The following ANKS1B variants were observed in gnomAD, a reference collection of about 807,000 sequenced individuals.
ANKS1B encodes ankyrin repeat and sterile alpha motif domain-containing protein 1B.
A neutral mutation model predicts 148.3 loss-of-function variants in ANKS1B; 36 were observed. The ratio of observed to expected loss-of-function variants is 0.24; its 90% CI spans 0.19 to 0.32. The LOEUF is 0.32. Among genes scored for constraint, ANKS1B ranks in the 10% least tolerant of loss-of-function variants. ANKS1B has a pLI of 1.00. For synonymous variants in ANKS1B, 542 were observed against 560.8 expected, an observed-to-expected ratio of 0.97 and a Z score of 0.47; for missense variants, 1,157 against 1,542.6, an observed-to-expected ratio of 0.75 and a Z score of 4.19.
chr12:98,742,744 C>T (rs1025852435), downstream of ANKS1B, among the ~76,000 whole-genome samples: 14 of 152,188 alleles, frequency 9.2e-5, no homozygotes, highest in Non-Finnish European at 1.6e-4. Context: ...GCTTTGGAAC[C>T]GGTTTCTGTG....
At chr12:99,159,678 C>T (rs2076443522) in intron 14 of ANKS1B, among the ~76,000 whole-genome samples, 1 of 152,106 alleles carries the variant, frequency 6.6e-6, no homozygotes, top group Non-Finnish European at 1.5e-5. Flanking sequence ...GTGAATAGTG[C>T]TGCGATGAAC....
At chr12:99,056,642 C>T (rs946077222) in intron 16 of ANKS1B, among the ~76,000 whole-genome samples, 3 of 152,200 alleles carry the variant, frequency 2.0e-5, no homozygotes, top group African/African-American at 7.2e-5. Context: ...TAATCTCCCA[C>T]TCCTCTGCTA....
At chr12:99,077,542 AG>A (rs1252998210) in intron 16 of ANKS1B, among the ~76,000 whole-genome samples, 1 of 152,244 alleles carries the variant, frequency 6.6e-6, no homozygotes, top group Non-Finnish European at 1.5e-5. Flanking sequence ...TCTAAGTGAC[AG>A]GGAAATAAGA....
At chr12:99,684,112 C>A (rs983299773) in intron 8 of ANKS1B, among the ~76,000 whole-genome samples, 5 of 151,914 alleles carry the variant, frequency 3.3e-5, no homozygotes, top group Non-Finnish European at 7.4e-5. Context: ...CTAGCCAGAG[C>A]AATCAGACAA....
intron 9 of ANKS1B, among the ~76,000 whole-genome samples, chr12:99,511,647 A>G (rs2096767213): frequency 6.6e-6 from 1 of 152,088 alleles, no homozygotes; most frequent in Admixed American, 6.6e-5. Context: ...GCATCACGCT[A>G]CCTGACTTCA....
chr12:99,581,861 G>A (rs1175654422), intron 9 of ANKS1B, among the ~76,000 whole-genome samples: 54 of 144,044 alleles, frequency 3.7e-4, no homozygotes, highest in African/African-American at 1.3e-3. Flanking sequence ...ACTGCAGTCC[G>A]CAGTCCAGCC....
intron 11 of ANKS1B, among the ~76,000 whole-genome samples, chr12:99,436,400 A>G (rs529062539): frequency 2.3e-4 from 35 of 152,182 alleles, no homozygotes; most frequent in Admixed American, 7.9e-4. Context: ...CATGGGAATA[A>G]AATACTCAAT....
At chr12:99,960,911 A>C (rs577938712) in intron 1 of ANKS1B, among the ~76,000 whole-genome samples, 3 of 152,248 alleles carry the variant, frequency 2.0e-5, no homozygotes, top group East Asian at 3.9e-4. Flanking sequence ...GTCCAACTGC[A>C]TCACACAGTA....
At chr12:98,845,153 A>C (rs1372777693) in intron 17 of ANKS1B, among the ~76,000 whole-genome samples, 5 of 152,222 alleles carry the variant, frequency 3.3e-5, no homozygotes, top group Admixed American at 3.3e-4. Context: ...AATTTTACCA[A>C]ATAAATAATC....
chr12:99,782,089 C>T lies in ANKS1B; in HGVS notation c.678G>A (p.Lys226=), dbSNP rs1450619903. The change falls in exon 5 of 27, where the codon AAG becomes AAA. Residue 226 remains lysine, a synonymous_variant. Coordinates refer to ENST00000683438, the MANE Select transcript of ANKS1B (RefSeq NM_001352186.2). ...AAGCTGCTTCATGAAGTGCACTCCC[C>T]TTTTCTGTCTGGAAAAAAAAAAGTA... The part of the protein sequence containing the change: ...AGMDVSCQTE[K]GSALHEAALF... 1.3e-6 allele frequency: 2 copies of T among 1,599,420 alleles called. No homozygotes were observed. The highest frequency in any genetic ancestry group is 1.7e-6 in the Non-Finnish European group (2 of 1,173,734).
intron 17 of ANKS1B, among the ~76,000 whole-genome samples, chr12:99,051,763 G>T (rs949132100): frequency 1.3e-5 from 2 of 152,178 alleles, no homozygotes; most frequent in African/African-American, 4.8e-5. Flanking sequence ...ACATTAATTT[G>T]TCTATTTAAT....
Position 98,744,622 on chromosome 12 carries a change from T to C in ANKS1B, c.*1117A>G. 5.0e-6 allele frequency: 4 copies of C among 804,960 alleles called. No homozygotes were observed. The highest frequency in any genetic ancestry group is 6.0e-6 in the Non-Finnish European group (4 of 665,438). The allele number at this position is 804,960 out of a possible 1,614,324, so 49.9% of individuals were successfully genotyped here. ...AAGTAAATTTTATTTAATCAAATAG[T>C]AAGCAAACTTTTTTTTTGTTTGTCT... is the stretch of plus-strand genomic sequence containing the variant. On this transcript the variant is annotated 3_prime_UTR_variant, in exon 27 of 27. Transcript: ENST00000683438.
chr12:99,686,567 T>G (rs2098650525), intron 8 of ANKS1B, among the ~76,000 whole-genome samples: 1 of 152,158 alleles, frequency 6.6e-6, no homozygotes, highest in South Asian at 2.1e-4. Flanking sequence ...TAAGTTTTTC[T>G]TGTAATAAAA....
At chr12:98,935,843 C>T (rs2099818135) in intron 17 of ANKS1B, among the ~76,000 whole-genome samples, 1 of 152,112 alleles carries the variant, frequency 6.6e-6, no homozygotes, top group South Asian at 2.1e-4. Context: ...TGCTACAAAT[C>T]GAGTTGTGAA....
At chr12:99,289,184 A>G (rs2079561347) in intron 12 of ANKS1B, among the ~76,000 whole-genome samples, 1 of 152,138 alleles carries the variant, frequency 6.6e-6, no homozygotes, top group African/African-American at 2.4e-5. Flanking sequence ...GGGTTATTAT[A>G]TAACAATAAA....
intron 17 of ANKS1B, among the ~76,000 whole-genome samples, chr12:98,949,119 A>AT (rs1423057993): frequency 1.3e-5 from 2 of 151,296 alleles, no homozygotes; most frequent in African/African-American, 4.9e-5. Flanking sequence ...CACCCAGCTA[A>AT]TTTTTTGTAT....
intron 17 of ANKS1B, among the ~76,000 whole-genome samples, chr12:98,833,437 T>C (rs953980844): frequency 1.3e-5 from 2 of 152,212 alleles, no homozygotes; most frequent in Non-Finnish European, 2.9e-5. Context: ...TCCCTACCTA[T>C]GTGTAGTCCC....
chr12:99,398,095 A>C (rs1428326557), intron 12 of ANKS1B, among the ~76,000 whole-genome samples: 1 of 152,138 alleles, frequency 6.6e-6, no homozygotes, highest in Non-Finnish European at 1.5e-5. Flanking sequence ...TTTTATTCTA[A>C]GTGCGATTAG....
intron 12 of ANKS1B, among the ~76,000 whole-genome samples, chr12:99,249,688 C>G (rs2074317611): frequency 6.6e-6 from 1 of 152,212 alleles, no homozygotes; most frequent in Non-Finnish European, 1.5e-5. Context: ...CTGCTCACAG[C>G]TCCCTGCAGA....
Sources: gnomAD v4.1 joint callset for allele counts (sites outside exome capture counted in the v4.1 genomes callset) on GRCh38, gnomAD v4.1.1 for gene constraint, MANE v1.5 for transcripts, NCBI Gene and HGNC (gene_info 2026-07-23, HGNC 2026-07-21) for gene names.